HMGA2: variants seen among roughly 807,000 people sequenced by gnomAD.
The protein encoded by HMGA2 is high mobility group protein HMGI-C.
A neutral mutation model predicts 19.1 loss-of-function variants in HMGA2; 8 were observed. The ratio of observed to expected loss-of-function variants is 0.42; its 90% CI spans 0.25 to 0.76. The LOEUF (loss-of-function observed/expected upper bound fraction) is 0.76. Ranked by LOEUF, HMGA2 falls within the 30% of genes least tolerant of loss-of-function variation. The probability of loss-of-function intolerance (pLI) is 0.28; values close to 1 mark genes in which losing one functional copy is unlikely to be tolerated. For synonymous variants in HMGA2, 60 were observed against 48.8 expected (o/e 1.23, Z -0.96); for missense variants, 109 against 136.3 (o/e 0.80, Z 1.00).
At chr12:65,912,091 T>G (rs1874870707) in intron 3 of HMGA2, among the ~76,000 whole-genome samples, 1 of 152,160 alleles carries the variant, frequency 6.6e-6, no homozygotes, top group Non-Finnish European at 1.5e-5. Flanking sequence ...TCCACTAGTC[T>G]TTCTGTTTAT....
chr12:65,899,399 C>T (rs1265590725), intron 3 of HMGA2, among the ~76,000 whole-genome samples: 1 of 152,224 alleles, frequency 6.6e-6, no homozygotes, highest in Non-Finnish European at 1.5e-5. Context: ...TCAGTATTCA[C>T]TCCATTACTT....
intron 3 of HMGA2, among the ~76,000 whole-genome samples, chr12:65,906,280 T>C (rs753031265): frequency 2.6e-4 from 39 of 152,286 alleles, no homozygotes; most frequent in Non-Finnish European, 4.1e-4. Context: ...GGCGATCCTT[T>C]GGAAGTCTTG....
At chr12:65,879,237 C>G (rs1873223457) in intron 3 of HMGA2, among the ~76,000 whole-genome samples, 2 of 152,282 alleles carry the variant, frequency 1.3e-5, no homozygotes, top group Non-Finnish European at 2.9e-5. Context: ...TGGTGGTCCT[C>G]CCTTCTCAGC....
rs1337265527 is a variant in HMGA2 at position 65,842,899 on chromosome 12, G to A, written c.249+4330G>A. 4.9e-6 allele frequency: 6 copies of A among 1,228,610 alleles called. No homozygotes were observed. In the African/African-American group the frequency reaches 7.6e-5, roughly 16 times the overall value. The allele number at this position is 1,228,610 out of a possible 1,614,324, so 76.1% of individuals were successfully genotyped here. On this transcript the variant is annotated intron_variant, in intron 3 of 4. Transcript: ENST00000403681. ...GGCTCAGGCTCAAGAATACAATGAA[G>A]TAATAAAGTTGTTAACCTCATGTAT...
intron 3 of HMGA2, among the ~76,000 whole-genome samples, chr12:65,885,141 A>G (rs548728420): frequency 5.1e-4 from 77 of 152,296 alleles, no homozygotes; most frequent in Middle Eastern, 3.4e-3. Context: ...TTAGAACTTT[A>G]TCTAGAGAAG....
chr12:65,922,341 C>T (rs947334502), intron 3 of HMGA2, among the ~76,000 whole-genome samples: 7 of 152,208 alleles, frequency 4.6e-5, no homozygotes, highest in Non-Finnish European at 1.0e-4. Flanking sequence ...GAACCAACCT[C>T]TTACATCAGT....
intron 3 of HMGA2, among the ~76,000 whole-genome samples, chr12:65,844,674 G>A (rs1366504924): frequency 6.6e-6 from 1 of 152,162 alleles, no homozygotes; most frequent in Non-Finnish European, 1.5e-5. Flanking sequence ...TTGATAATCT[G>A]CCCTACTTGG....
intron 4 of HMGA2, chr12:65,958,387 T>G (rs1169228599): frequency 6.6e-6 from 1 of 152,266 alleles, no homozygotes. Flanking sequence ...TTATATTGTT[T>G]ATATATGTTC....
At chr12:65,894,111 G>A in intron 3 of HMGA2, among the ~76,000 whole-genome samples, 1 of 152,152 alleles carries the variant, frequency 6.6e-6, no homozygotes, top group East Asian at 1.9e-4. Flanking sequence ...GAGCCTGGTT[G>A]TATGCCTCTG....
At chr12:65,943,069 G>GA (rs1311596647) in intron 3 of HMGA2, among the ~76,000 whole-genome samples, 1 of 151,756 alleles carries the variant, frequency 6.6e-6, no homozygotes, top group Non-Finnish European at 1.5e-5. Context: ...AACATTGTAG[G>GA]AAAAAAATAT....
intron 3 of HMGA2, among the ~76,000 whole-genome samples, chr12:65,883,057 T>A (rs1310911156): frequency 6.6e-6 from 1 of 152,230 alleles, no homozygotes; most frequent in Non-Finnish European, 1.5e-5. Flanking sequence ...TCCTGACTCT[T>A]TGTTTATCTT....
intron 3 of HMGA2, among the ~76,000 whole-genome samples, chr12:65,906,255 AC>A (rs1316664288): frequency 6.6e-6 from 1 of 152,168 alleles, no homozygotes; most frequent in Non-Finnish European, 1.5e-5. Context: ...GTCACACATA[AC>A]AATGGCTTGG....
intron 3 of HMGA2, chr12:65,882,100 C>T (rs1211714830): frequency 7.8e-6 from 4 of 515,456 alleles, no homozygotes; most frequent in Non-Finnish European, 1.4e-5. Flanking sequence ...AAACCCCTGG[C>T]GGCTGTACTG....
Position 65,929,882 on chromosome 12 carries a change from T to C in HMGA2, c.250-21501T>C, listed in dbSNP as rs112692995. 2.9e-4 allele frequency among the ~76,000 whole-genome samples: 44 copies of C among 152,280 alleles called. 1 individual carries two copies. Among genetic ancestry groups the C allele is most frequent in the African/African-American group, 1.1e-3 (44 of 41,572 alleles). On this transcript the variant is annotated intron_variant, in intron 3 of 4. Coordinates refer to ENST00000403681, the MANE Select transcript of HMGA2 (RefSeq NM_003483.6). ...CACTGATAAGTTGAATGCATTTTTG[T>C]AATGTGTCAAGACAGATGGCTTTAA...
At chr12:65,922,658 C>T (rs749064822) in intron 3 of HMGA2, among the ~76,000 whole-genome samples, 11 of 152,064 alleles carry the variant, frequency 7.2e-5, no homozygotes, top group Middle Eastern at 3.2e-3. Flanking sequence ...GTTGGGAAGG[C>T]ATGATTGGTT....
intron 3 of HMGA2, among the ~76,000 whole-genome samples, chr12:65,870,905 G>A (rs917940431): frequency 3.9e-5 from 6 of 152,188 alleles, no homozygotes; most frequent in African/African-American, 1.4e-4. Flanking sequence ...GGGGGTGGAT[G>A]TGGACAGTGA....
intron 3 of HMGA2, among the ~76,000 whole-genome samples, chr12:65,939,207 A>G (rs1443239644): frequency 1.3e-5 from 2 of 152,178 alleles, no homozygotes; most frequent in Non-Finnish European, 1.5e-5. Flanking sequence ...GAAATTTTCC[A>G]TTGGTGTTAT....
At chr12:65,907,674 C>T (rs556873827) in intron 3 of HMGA2, among the ~76,000 whole-genome samples, 1 of 152,024 alleles carries the variant, frequency 6.6e-6, no homozygotes, top group Non-Finnish European at 1.5e-5. Flanking sequence ...GCACACAAGC[C>T]AACGTTTAGG....
At chr12:65,835,611 G>A (rs1026504971) in intron 2 of HMGA2, among the ~76,000 whole-genome samples, 3 of 152,120 alleles carry the variant, frequency 2.0e-5, no homozygotes, top group Admixed American at 1.3e-4. Context: ...TTGTAAATGA[G>A]ATGCTCATTT....
Sources: allele counts gnomAD v4.1 joint callset (sites outside exome capture counted in the v4.1 genomes callset), GRCh38; gene constraint gnomAD v4.1.1; transcripts MANE v1.5; gene names NCBI Gene and HGNC (gene_info 2026-07-23, HGNC 2026-07-21).